The following CHLSN variants were observed in gnomAD, a reference collection of about 807,000 sequenced individuals.
The protein encoded by CHLSN is cholesin, also known as protein cholesin.
At chr7:1,119,987 T>C in the CHLSN span, among the ~76,000 whole-genome samples, 5 of 151,714 alleles carry the variant, frequency 3.3e-5, no homozygotes, top group African/African-American at 7.3e-5. Flanking sequence ...CAAATTTAAA[T>C]TGGTTCTAAA....
chr7:1,084,831 G>A, the CHLSN span, among the ~76,000 whole-genome samples: 1 of 152,380 alleles, frequency 6.6e-6, no homozygotes, highest in South Asian at 2.1e-4. Context: ...GGGTTGTTTG[G>A]ACGGCGACAT....
the CHLSN span, among the ~76,000 whole-genome samples, chr7:1,065,487 T>C: frequency 1.3e-5 from 2 of 152,206 alleles, no homozygotes; most frequent in East Asian, 1.9e-4. Context: ...GTCAGCGAAA[T>C]GGACCCACCG....
At chr7:1,091,810 T>TC in the CHLSN span, 1 of 1,593,010 alleles carries the variant, frequency 6.3e-7, no homozygotes. Flanking sequence ...CAACACCACC[T>TC]CCCCCGAGCT....
chr7:1,095,395 G>A, the CHLSN span, among the ~76,000 whole-genome samples: 5 of 151,274 alleles, frequency 3.3e-5, no homozygotes, highest in South Asian at 2.1e-4. Flanking sequence ...ATGCTTCAAT[G>A]AAGCTCCCCT....
the CHLSN span, chr7:1,026,020 G>A: frequency 6.6e-6 from 1 of 152,196 alleles, no homozygotes; most frequent in African/African-American, 2.4e-5. Context: ...CAGGCCTCCT[G>A]GAACTCGTGA....
the CHLSN span, chr7:1,092,516 C>A: frequency 6.2e-7 from 1 of 1,608,090 alleles, no homozygotes; most frequent in South Asian, 1.1e-5. Flanking sequence ...ATGATCCTCG[C>A]GGTGGTGCTG....
At chr7:1,083,647 C>CAA in the CHLSN span, among the ~76,000 whole-genome samples, 1 of 148,816 alleles carries the variant, frequency 6.7e-6, no homozygotes, top group African/African-American at 2.5e-5. Flanking sequence ...ACAAAAAAAA[C>CAA]AAAAAAAAAC....
At chr7:1,119,274 C>G in the CHLSN span, among the ~76,000 whole-genome samples, 183 of 151,826 alleles carry the variant, frequency 1.2e-3, no homozygotes, top group Non-Finnish European at 2.3e-3. Flanking sequence ...CAACAATTCA[C>G]AAAAAACAAA....
chr7:1,017,486 C>A, the CHLSN span, among the ~76,000 whole-genome samples: 1 of 152,134 alleles, frequency 6.6e-6, no homozygotes, highest in Non-Finnish European at 1.5e-5. Flanking sequence ...AGCCGGGTGA[C>A]GGGGCCAGGG....
At chr7:1,108,387 G>A in the CHLSN span, among the ~76,000 whole-genome samples, 1 of 131,108 alleles carries the variant, frequency 7.6e-6, no homozygotes, top group African/African-American at 3.0e-5. Flanking sequence ...GGGGGGCTGT[G>A]TCCCGCGCTC....
chr7:1,136,801 C>A, the CHLSN span, among the ~76,000 whole-genome samples: 1 of 151,902 alleles, frequency 6.6e-6, no homozygotes, highest in Non-Finnish European at 1.5e-5. Context: ...TTCATCCTCT[C>A]CATAAACATC....
the CHLSN span, among the ~76,000 whole-genome samples, chr7:1,114,218 T>A: frequency 6.6e-6 from 1 of 152,150 alleles, no homozygotes. Context: ...GGCTGTTCCT[T>A]ACTCAAAGTG....
chr7:1,028,885 C>G, the CHLSN span: 5 of 829,812 alleles, frequency 6.0e-6, no homozygotes, highest in Non-Finnish European at 7.2e-6. Context: ...CCATCTCTCC[C>G]CAGTCTGACT....
chr7:1,051,355 G>A, the CHLSN span, among the ~76,000 whole-genome samples: 2 of 152,260 alleles, frequency 1.3e-5, no homozygotes, highest in African/African-American at 2.4e-5. Context: ...GAGACCCTGA[G>A]CCAGGCCGCC....
At chr7:1,004,175 T>A in the CHLSN span, among the ~76,000 whole-genome samples, 1 of 152,086 alleles carries the variant, frequency 6.6e-6, no homozygotes, top group Non-Finnish European at 1.5e-5. Context: ...CCTCGTCGTC[T>A]GCTCCCCGGA....
chr7:999,575 C>T, the CHLSN span, among the ~76,000 whole-genome samples: 17 of 152,118 alleles, frequency 1.1e-4, no homozygotes, highest in African/African-American at 4.1e-4. Flanking sequence ...TCAAAAAACG[C>T]CCACAAAAAA....
At chr7:1,084,834 G>A in the CHLSN span, among the ~76,000 whole-genome samples, 19 of 152,370 alleles carry the variant, frequency 1.2e-4, no homozygotes, top group African/African-American at 4.6e-4. Context: ...TTGTTTGGAC[G>A]GCGACATGCA....
the CHLSN span, among the ~76,000 whole-genome samples, chr7:1,031,170 C>T: frequency 1.0e-3 from 159 of 152,326 alleles, no homozygotes; most frequent in Non-Finnish European, 1.9e-3. Flanking sequence ...CTTCCGTACA[C>T]GGGATGCCGT....
the CHLSN span, among the ~76,000 whole-genome samples, chr7:1,048,275 C>T: frequency 6.6e-6 from 1 of 152,074 alleles, no homozygotes; most frequent in Non-Finnish European, 1.5e-5. Flanking sequence ...CTGACAGGGC[C>T]CTAAGCAACA....
Sources: allele counts gnomAD v4.1 joint callset (sites outside exome capture counted in the v4.1 genomes callset), GRCh38; gene constraint gnomAD v4.1.1; transcripts MANE v1.5; gene names NCBI Gene and HGNC (gene_info 2026-07-23, HGNC 2026-07-21).